The following DMD variants were observed in gnomAD, a reference collection of about 807,000 sequenced individuals.
DMD encodes dystrophin.
Under a neutral mutation model 330.1 loss-of-function variants are expected in DMD, and 63 were observed. The ratio of observed to expected loss-of-function variants is 0.19; its 90% CI spans 0.16 to 0.24. DMD has a LOEUF of 0.24. Ranked by LOEUF, DMD falls within the 10% of genes least tolerant of loss-of-function variation. The probability of loss-of-function intolerance (pLI) is 1.00; values close to 1 mark genes in which losing one functional copy is unlikely to be tolerated. For missense variants in DMD, 3,344 were observed against 2,684.1 expected (o/e 1.25, Z -5.43); for synonymous variants, 1,223 against 959.8 (o/e 1.27, Z -5.07).
chrX:31,651,568 G>C (rs1042239843), intron 54 of DMD, among the ~76,000 whole-genome samples: 9 of 110,980 alleles, frequency 8.1e-5, no homozygotes, highest in Non-Finnish European at 1.9e-5. Context: ...TGTATAATAG[G>C]CATTTCAAAT....
At chrX:31,422,043 A>ATTT (rs369198579) in intron 60 of DMD, among the ~76,000 whole-genome samples, 53 of 28,762 alleles carry the variant, frequency 1.8e-3, no homozygotes, top group African/African-American at 3.4e-3. Flanking sequence ...ATATATATAT[A>ATTT]TTTTTTTTTT....
At chrX:32,070,886 G>C (rs2096291621) in intron 44 of DMD, among the ~76,000 whole-genome samples, 1 of 111,102 alleles carries the variant, frequency 9.0e-6, no homozygotes, top group African/African-American at 3.3e-5. Flanking sequence ...CTCGTGTGAT[G>C]GGTGCACCAG....
intron 44 of DMD, among the ~76,000 whole-genome samples, chrX:31,977,311 C>T (rs919752885): frequency 1.8e-5 from 2 of 111,584 alleles, no homozygotes; most frequent in African/African-American, 6.5e-5. Context: ...ATACAACAGC[C>T]TAGAGTGAAA....
At chrX:31,395,734 T>C (rs2148815549) in intron 60 of DMD, among the ~76,000 whole-genome samples, 1 of 112,246 alleles carries the variant, frequency 8.9e-6, no homozygotes, top group Admixed American at 9.5e-5. Context: ...GTCCTGATAC[T>C]GTTGGGCCCA....
intron 1 of DMD, among the ~76,000 whole-genome samples, chrX:33,325,957 G>A (rs1374814514): frequency 9.0e-6 from 1 of 111,667 alleles, no homozygotes; most frequent in Non-Finnish European, 1.9e-5. Flanking sequence ...AGGAAATAGA[G>A]CCTTTAAAAT....
At chrX:32,147,226 CAAGTGACCT>C (rs2096782165) in intron 44 of DMD, among the ~76,000 whole-genome samples, 1 of 111,338 alleles carries the variant, frequency 9.0e-6, no homozygotes, top group South Asian at 3.8e-4. Context: ...TATTATTTTG[CAAGTGACCT>C]AAGTGATCCT....
At chrX:31,864,505 TTTTTA>T (rs2093764650) in intron 48 of DMD, among the ~76,000 whole-genome samples, 1 of 96,317 alleles carries the variant, frequency 1.0e-5, no homozygotes, top group African/African-American at 3.8e-5. Context: ...TTTTTTTTTT[TTTTTA>T]AAGAAGTCTT....
intron 61 of DMD, among the ~76,000 whole-genome samples, chrX:31,326,982 C>T (rs1287299421): frequency 1.8e-5 from 2 of 112,112 alleles, no homozygotes; most frequent in Non-Finnish European, 3.8e-5. Context: ...ATCTTTTATG[C>T]CTGATGTGTC....
chrX:32,554,817 GGAGGGAGGGGGA>G (rs1435423863), intron 16 of DMD, among the ~76,000 whole-genome samples: 1 of 49,922 alleles, frequency 2.0e-5, no homozygotes, highest in African/African-American at 7.3e-5. Context: ...AGGGAGGGAG[GGAGGGAGGGGGA>G]GGGAGAGAGA....
chrX:32,523,081 G>T (rs2046597355), intron 17 of DMD, among the ~76,000 whole-genome samples: 1 of 111,888 alleles, frequency 8.9e-6, no homozygotes, highest in Admixed American at 9.5e-5. Context: ...AAAGAAATCT[G>T]CTGAAGCCTA....
At chrX:31,179,562 G>A (rs929263509) in intron 69 of DMD, among the ~76,000 whole-genome samples, 3 of 111,967 alleles carry the variant, frequency 2.7e-5, no homozygotes, top group Admixed American at 9.5e-5. Context: ...AAAGAGAAGA[G>A]AAACACGAAG....
intron 2 of DMD, among the ~76,000 whole-genome samples, chrX:32,865,592 G>A (rs1252713096): frequency 8.9e-6 from 1 of 112,469 alleles, no homozygotes; most frequent in African/African-American, 3.2e-5. Context: ...CACCCCATCC[G>A]AGTGTACCGA....
chrX:33,203,666 A>ATT (rs376599340), intron 1 of DMD, among the ~76,000 whole-genome samples: 25 of 102,378 alleles, frequency 2.4e-4, no homozygotes, highest in African/African-American at 7.0e-4. Flanking sequence ...GTCTTCTCTG[A>ATT]TTTTTTTTTT....
intron 2 of DMD, among the ~76,000 whole-genome samples, chrX:32,929,384 T>C (rs1375655633): frequency 9.3e-6 from 1 of 108,105 alleles, no homozygotes; most frequent in Non-Finnish European, 1.9e-5. Flanking sequence ...AAGAAGAATA[T>C]GGAGGGTGAC....
At chrX:32,957,166 A>G in intron 2 of DMD, among the ~76,000 whole-genome samples, 1 of 111,585 alleles carries the variant, frequency 9.0e-6, no homozygotes, top group East Asian at 2.8e-4. Context: ...TCTGGGCACC[A>G]TTTCAATTAC....
At chrX:32,078,683 G>A (rs2096370590) in intron 44 of DMD, among the ~76,000 whole-genome samples, 1 of 111,766 alleles carries the variant, frequency 8.9e-6, no homozygotes, top group African/African-American at 3.3e-5. Flanking sequence ...CCTTTTGATT[G>A]TTATTATAGG....
At chrX:32,738,326 A>C (rs1046835369) in intron 7 of DMD, among the ~76,000 whole-genome samples, 5 of 111,819 alleles carry the variant, frequency 4.5e-5, no homozygotes, top group African/African-American at 1.3e-4. Flanking sequence ...TCCCAAAATA[A>C]CATTAAGACA....
chrX:32,964,169 T>C (rs780427856), intron 2 of DMD, among the ~76,000 whole-genome samples: 3 of 99,377 alleles, frequency 3.0e-5, no homozygotes, highest in Non-Finnish European at 5.9e-5. Context: ...GGCAGGAGAA[T>C]CCCTTGAACC....
intron 2 of DMD, among the ~76,000 whole-genome samples, chrX:32,864,649 A>T (rs1406524911): frequency 9.0e-6 from 1 of 111,504 alleles, no homozygotes; most frequent in Non-Finnish European, 1.9e-5. Flanking sequence ...TTGTTATATC[A>T]TTTGACATCG....
Sources: gnomAD v4.1 joint callset for allele counts (sites outside exome capture counted in the v4.1 genomes callset) on GRCh38, gnomAD v4.1.1 for gene constraint, MANE v1.5 for transcripts, NCBI Gene and HGNC (gene_info 2026-07-23, HGNC 2026-07-21) for gene names.